The following ERBB4 variants were observed in gnomAD, a reference collection of about 807,000 sequenced individuals.
ERBB4 encodes the protein receptor tyrosine-protein kinase erbB-4.
ERBB4 carries 42 observed loss-of-function variants against 158.0 expected under a neutral mutation model. The observed-to-expected ratio is 0.27, with a 90% confidence interval of 0.21 to 0.34. ERBB4 has a LOEUF of 0.34. ERBB4 is among the 10% of genes least tolerant of loss of function. ERBB4 has a pLI of 1.00. For missense variants in ERBB4, 1,333 were observed against 1,624.1 expected (o/e 0.82, Z 3.08); for synonymous variants, 583 against 558.7 (o/e 1.04, Z -0.61).
chr2:211,666,756 C>T (rs1351528137), intron 14 of ERBB4, among the ~76,000 whole-genome samples: 3 of 152,192 alleles, frequency 2.0e-5, no homozygotes, highest in Non-Finnish European at 4.4e-5. Context: ...TTTGGAACTT[C>T]TTCCCCTGAC....
At position 211,835,699 on chromosome 2, in the gene ERBB4, T is replaced by C. The variant is rs2077326713; in HGVS notation, c.422-47540A>G. On this transcript the variant is annotated intron_variant, in intron 3 of 27. Transcript: ENST00000342788. Reference sequence around the variant, plus strand: ...ATTCCTATGTCATTTTATTTTTTGGTAGGTTCTGATGAAGACAAATCATTT... The same window carrying C: ...ATTCCTATGTCATTTTATTTTTTGGCAGGTTCTGATGAAGACAAATCATTT... Among the ~76,000 whole-genome samples, 4 of 152,212 alleles carry C rather than the reference T, an allele frequency of 2.6e-5. No homozygotes were observed. In the South Asian group the frequency reaches 8.3e-4, roughly 32 times the overall value.
chr2:211,614,968 A>T (rs2069332031), intron 19 of ERBB4, among the ~76,000 whole-genome samples: 1 of 152,142 alleles, frequency 6.6e-6, no homozygotes, highest in Non-Finnish European at 1.5e-5. Flanking sequence ...TACATAATAA[A>T]GTCAGATGAC....
In ERBB4 at chr2:211,580,857, A is replaced by G. The variant is rs1227444083; in HGVS notation, c.2302-18769T>C. Among the ~76,000 whole-genome samples, 27 of 6,646 alleles carry G rather than the reference A, an allele frequency of 4.1e-3. 4 individuals are homozygous for G. Among genetic ancestry groups the G allele is most frequent in the African/African-American group, 5.0e-3 (26 of 5,204 alleles). The allele number at this position is 6,646 out of a possible 152,430, so 4.4% of individuals were successfully genotyped here. ...ATAGATTATATATTATATATATAGTATGCATATACATATATATATATATAT... is the reference window on the plus strand; with the variant it reads ...ATAGATTATATATTATATATATAGTGTGCATATACATATATATATATATAT... On this transcript the variant is annotated intron_variant, in intron 19 of 27. Transcript: ENST00000342788.
At chr2:211,579,211 A>T (rs540500276) in intron 19 of ERBB4, among the ~76,000 whole-genome samples, 2 of 152,192 alleles carry the variant, frequency 1.3e-5, no homozygotes, top group Admixed American at 6.5e-5. Flanking sequence ...GTTTAACGAC[A>T]CTGAGATGTT....
intron 20 of ERBB4, among the ~76,000 whole-genome samples, chr2:211,437,185 C>T (rs1336654130): frequency 6.6e-6 from 1 of 152,128 alleles, no homozygotes; most frequent in African/African-American, 2.4e-5. Context: ...ATTTTTTATA[C>T]CTTCTCTGTA....
At chr2:211,407,579 C>T (rs556302806) in intron 25 of ERBB4, among the ~76,000 whole-genome samples, 26 of 152,288 alleles carry the variant, frequency 1.7e-4, no homozygotes, top group African/African-American at 5.8e-4. Flanking sequence ...CATAATGTAG[C>T]ATATTTTGCT....
At chr2:212,288,720 T>C (rs886236271) in intron 1 of ERBB4, among the ~76,000 whole-genome samples, 17 of 152,148 alleles carry the variant, frequency 1.1e-4, no homozygotes, top group Non-Finnish European at 2.2e-4. Flanking sequence ...ACCCCGTTTT[T>C]AGCTCAACTA....
At chr2:212,121,801 A>C (rs1356917382) in intron 2 of ERBB4, among the ~76,000 whole-genome samples, 1 of 152,080 alleles carries the variant, frequency 6.6e-6, no homozygotes, top group East Asian at 1.9e-4. Context: ...ATTAACTCTG[A>C]TTCAGGGGCT....
intron 1 of ERBB4, among the ~76,000 whole-genome samples, chr2:212,272,741 T>A (rs1264970649): frequency 2.6e-5 from 4 of 151,806 alleles, no homozygotes; most frequent in Admixed American, 1.3e-4. Context: ...ATCAAATACT[T>A]TTTTCTTTGC....
In ERBB4 at chr2:212,319,126, C is replaced by T. The variant is rs188672432; in HGVS notation, c.83-194223G>A. ...TCATTTTGTGGCACAAGTCAAATTGCTCAAAATTTATTCCTCTTTTAGGGT... is the reference window on the plus strand; with the variant it reads ...TCATTTTGTGGCACAAGTCAAATTGTTCAAAATTTATTCCTCTTTTAGGGT... On this transcript the variant is annotated intron_variant, in intron 1 of 27. Coordinates refer to ENST00000342788, the MANE Select transcript of ERBB4 (RefSeq NM_005235.3). Among the ~76,000 whole-genome samples the T allele has an allele frequency of 2.0e-5, 3 of 151,740 alleles. No individual in the cohort carries two copies. In the East Asian group the frequency reaches 5.9e-4, roughly 30 times the overall value.
chr2:212,069,704 C>G (rs2078054737), intron 2 of ERBB4, among the ~76,000 whole-genome samples: 1 of 152,012 alleles, frequency 6.6e-6, no homozygotes, highest in African/African-American at 2.4e-5. Flanking sequence ...AGAATTAGCA[C>G]AAGTTCAGCA....
intron 1 of ERBB4, among the ~76,000 whole-genome samples, chr2:212,326,210 CA>C (rs2106279447): frequency 1.3e-5 from 2 of 150,734 alleles, no homozygotes; most frequent in African/African-American, 4.8e-5. Flanking sequence ...AAAAGAATAT[CA>C]AGAAAAAGTT....
At chr2:211,867,387 C>A (rs937590036) in intron 3 of ERBB4, among the ~76,000 whole-genome samples, 4 of 151,994 alleles carry the variant, frequency 2.6e-5, no homozygotes, top group Non-Finnish European at 5.9e-5. Context: ...CTGCACAAAG[C>A]AAAATTTACA....
At chr2:212,307,913 C>G (rs999613042) in intron 1 of ERBB4, among the ~76,000 whole-genome samples, 1 of 150,856 alleles carries the variant, frequency 6.6e-6, no homozygotes, top group Admixed American at 6.6e-5. Flanking sequence ...TGAACAGCAG[C>G]ATTGCATCTT....
chr2:211,969,334 G>GA (rs1292985347), intron 2 of ERBB4, among the ~76,000 whole-genome samples: 2 of 151,914 alleles, frequency 1.3e-5, no homozygotes, highest in Admixed American at 6.6e-5. Flanking sequence ...TCTCTTTGCT[G>GA]AAAAAACGTT....
At chr2:211,822,748 A>G (rs1439247) in intron 3 of ERBB4, among the ~76,000 whole-genome samples, 58,025 of 151,920 alleles carry the variant, frequency 0.38, 12,278 homozygotes, top group Middle Eastern at 0.5. Flanking sequence ...TGATGCATCA[A>G]TATAACTGTG....
intron 1 of ERBB4, among the ~76,000 whole-genome samples, chr2:212,275,204 G>C (rs1045078468): frequency 5.3e-5 from 8 of 151,886 alleles, no homozygotes; most frequent in African/African-American, 1.7e-4. Context: ...CCAAGTCTTT[G>C]CTATTGTGAA....
At chr2:212,462,517 C>A (rs1199287093) in intron 1 of ERBB4, among the ~76,000 whole-genome samples, 1 of 152,058 alleles carries the variant, frequency 6.6e-6, no homozygotes, top group Non-Finnish European at 1.5e-5. Flanking sequence ...AATATCACTA[C>A]TTATTAGATA....
chr2:212,124,774 T>C lies in ERBB4; in HGVS notation c.212A>G (p.Asn71Ser), dbSNP rs2079869059. Residue 71 changes from asparagine to serine, a missense_variant, in exon 2 of 28, where the codon AAC (asparagine) becomes AGC (serine). Transcript: ENST00000342788. ...GNLEITSIEHNRDLSFLRSVR... is the reference protein window; with the variant it reads ...GNLEITSIEHSRDLSFLRSVR... ...TACCCGCAGGAAGGAGAGGTCCCGG[T>C]TGTGCTCAATGCTGGTTATCTCCAG... is the stretch of plus-strand genomic sequence containing the variant. The C allele has an allele frequency of 1.2e-6, 2 of 1,614,028 alleles. No individual in the cohort carries two copies. Among genetic ancestry groups the C allele is most frequent in the African/African-American group, 1.3e-5 (1 of 74,920 alleles).
Sources: allele counts gnomAD v4.1 joint callset (sites outside exome capture counted in the v4.1 genomes callset), GRCh38; gene constraint gnomAD v4.1.1; transcripts MANE v1.5; gene names NCBI Gene and HGNC (gene_info 2026-07-23, HGNC 2026-07-21).